Variants in SHISA6 observed in about 807,000 individuals in gnomAD.
SHISA6 encodes shisa family member 6.
SHISA6 carries 22 observed loss-of-function variants against 47.9 expected under a neutral mutation model. The ratio of observed to expected loss-of-function variants is 0.46; its 90% confidence interval spans 0.33 to 0.66. The LOEUF is 0.66. Ranked by LOEUF, SHISA6 falls within the 30% of genes least tolerant of loss-of-function variation. The pLI is 0.02. For synonymous variants in SHISA6, 388 were observed against 337.8 expected (o/e 1.15, Z -1.63); for missense variants, 680 against 764.6 (o/e 0.89, Z 1.30).
At chr17:11,253,280 T>A (rs1907884177) in intron 1 of SHISA6, among the ~76,000 whole-genome samples, 1 of 149,824 alleles carries the variant, frequency 6.7e-6, no homozygotes, top group South Asian at 2.2e-4. Flanking sequence ...TGCCACTAAT[T>A]CAAAATTTAT....
At chr17:11,399,232 C>T (rs1320846210) in intron 3 of SHISA6, among the ~76,000 whole-genome samples, 2 of 152,130 alleles carry the variant, frequency 1.3e-5, no homozygotes, top group African/African-American at 4.8e-5. Context: ...GAAATGAAAT[C>T]TGCCTTGTCC....
intron 2 of SHISA6, among the ~76,000 whole-genome samples, chr17:11,330,249 C>G (rs1911049359): frequency 6.6e-6 from 1 of 152,008 alleles, no homozygotes; most frequent in East Asian, 1.9e-4. Context: ...CCACCAGGGA[C>G]CTGGAGGAGG....
chr17:11,409,139 A>G (rs901404077), intron 3 of SHISA6, among the ~76,000 whole-genome samples: 1 of 152,216 alleles, frequency 6.6e-6, no homozygotes, highest in Non-Finnish European at 1.5e-5. Context: ...TCGTTGTGTC[A>G]TTATAGCTGC....
In SHISA6 at chr17:11,558,575, C is replaced by T; in HGVS notation, c.*271C>T. On this transcript the variant is annotated 3_prime_UTR_variant, in exon 6 of 6. Coordinates refer to ENST00000441885, the MANE Select transcript of SHISA6 (RefSeq NM_207386.4). ...TGAGGAGGGGGCTAGGCCCCATTCTCACCCCCGACCACCTTCACCAACTCC... is the reference window on the plus strand; with the variant it reads ...TGAGGAGGGGGCTAGGCCCCATTCTTACCCCCGACCACCTTCACCAACTCC... 2.0e-6 allele frequency: 1 copy of T among 495,984 alleles called. No individual in the cohort carries two copies. Among genetic ancestry groups the T allele is most frequent in the East Asian group, 3.3e-5 (1 of 29,978 alleles). 30.7% of individuals were successfully genotyped at this position (495,984 alleles called of 1,614,324 possible).
intron 3 of SHISA6, among the ~76,000 whole-genome samples, chr17:11,396,888 T>A (rs1439647962): frequency 6.6e-6 from 1 of 152,104 alleles, no homozygotes; most frequent in Non-Finnish European, 1.5e-5. Flanking sequence ...TGCACATGTA[T>A]CTCAGAACTT....
chr17:11,314,310 C>T (rs965644096), intron 2 of SHISA6, among the ~76,000 whole-genome samples: 2 of 151,954 alleles, frequency 1.3e-5, no homozygotes, highest in African/African-American at 4.8e-5. Context: ...TTTTTTGTCA[C>T]ATTAGGAAGA....
chr17:11,484,477 T>C (rs1916296741), intron 3 of SHISA6, among the ~76,000 whole-genome samples: 2 of 152,334 alleles, frequency 1.3e-5, no homozygotes, highest in South Asian at 4.1e-4. Context: ...CTTGGCTCAC[T>C]GCAACCTCTG....
At chr17:11,309,304 A>G (rs1017293681) in intron 2 of SHISA6, among the ~76,000 whole-genome samples, 2 of 152,194 alleles carry the variant, frequency 1.3e-5, no homozygotes, top group Non-Finnish European at 2.9e-5. Flanking sequence ...GTTATACAGA[A>G]CTGGCCTTCA....
chr17:11,282,764 C>G (rs1017464630), intron 2 of SHISA6, among the ~76,000 whole-genome samples: 2 of 152,168 alleles, frequency 1.3e-5, no homozygotes, highest in African/African-American at 4.8e-5. Flanking sequence ...CCCGGAGAGA[C>G]AAATGAATAA....
chr17:11,563,986 G>A lies in SHISA6; in HGVS notation c.*5682G>A, dbSNP rs2072069693. 2.6e-5 allele frequency: 4 copies of A among 152,130 alleles called. No homozygotes were observed. The highest frequency in any genetic ancestry group is 2.6e-4 in the Admixed American group (4 of 15,276). 9.4% of individuals were successfully genotyped at this position (152,130 alleles called of 1,614,324 possible). ...ACTGTAAACAGATACACTTTAGTAA[G>A]ATTTAGTCTTAAGGATTTTTCCACT... On this transcript the variant is annotated 3_prime_UTR_variant, in exon 6 of 6. Transcript: ENST00000441885.
chr17:11,350,999 G>T (rs113253721), intron 2 of SHISA6, among the ~76,000 whole-genome samples: 22,891 of 152,110 alleles, frequency 0.15, 2,011 homozygotes, highest in South Asian at 0.28. Context: ...CAGAGACATG[G>T]ATGAAGCTGG....
intron 3 of SHISA6, among the ~76,000 whole-genome samples, chr17:11,415,304 T>C (rs183681220): frequency 6.6e-5 from 10 of 152,292 alleles, no homozygotes; most frequent in South Asian, 4.1e-4. Flanking sequence ...GGATCTTCAT[T>C]TGGAGAATCA....
intron 3 of SHISA6, among the ~76,000 whole-genome samples, chr17:11,468,294 C>G (rs2142319428): frequency 6.6e-6 from 1 of 152,008 alleles, no homozygotes; most frequent in Middle Eastern, 3.4e-3. Context: ...ATGACTGTAG[C>G]CATGCTCTAA....
intron 2 of SHISA6, among the ~76,000 whole-genome samples, chr17:11,283,195 T>A (rs1314961489): frequency 6.6e-6 from 1 of 152,222 alleles, no homozygotes; most frequent in Admixed American, 6.5e-5. Flanking sequence ...ATGCAATAAA[T>A]TGCATTTATA....
At chr17:11,409,834 C>CT (rs1914068163) in intron 3 of SHISA6, among the ~76,000 whole-genome samples, 1 of 151,944 alleles carries the variant, frequency 6.6e-6, no homozygotes, top group South Asian at 2.1e-4. Context: ...AGGGCAAGAA[C>CT]TTACCTGGAA....
chr17:11,371,103 G>A (rs952674486), intron 2 of SHISA6, among the ~76,000 whole-genome samples: 8 of 152,206 alleles, frequency 5.3e-5, no homozygotes, highest in Admixed American at 5.2e-4. Flanking sequence ...ATCCCCAGTT[G>A]CTGCTCTCTG....
At chr17:11,303,178 T>C (rs1205197329) in intron 2 of SHISA6, among the ~76,000 whole-genome samples, 7 of 152,082 alleles carry the variant, frequency 4.6e-5, no homozygotes, top group African/African-American at 1.7e-4. Flanking sequence ...AGTGTAGTTA[T>C]GTTTGAGTGT....
intron 3 of SHISA6, among the ~76,000 whole-genome samples, chr17:11,543,249 A>G (rs2193109): frequency 0.52 from 79,393 of 151,928 alleles, 21,634 homozygotes; most frequent in African/African-American, 0.68. Flanking sequence ...AGTGTAATGT[A>G]TGTATACATA....
intron 3 of SHISA6, among the ~76,000 whole-genome samples, chr17:11,528,980 C>T (rs949725808): frequency 2.0e-5 from 3 of 152,178 alleles, no homozygotes; most frequent in Middle Eastern, 3.4e-3. Flanking sequence ...ATCACGAGGT[C>T]GGGAGTTCGA....
Sources: gnomAD v4.1 joint callset for allele counts (sites outside exome capture counted in the v4.1 genomes callset) on GRCh38, gnomAD v4.1.1 for gene constraint, MANE v1.5 for transcripts, NCBI Gene and HGNC (gene_info 2026-07-23, HGNC 2026-07-21) for gene names.